Variants in BMP5 observed in about 807,000 individuals in gnomAD.
The protein encoded by BMP5 is bone morphogenetic protein 5.
In BMP5, 23 loss-of-function variants were observed where a neutral mutation model predicts 46.6. The ratio of observed to expected loss-of-function variants is 0.49; its 90% CI spans 0.35 to 0.70. The LOEUF is 0.70. BMP5 is among the 30% of genes least tolerant of loss of function. The probability of loss-of-function intolerance (pLI) is 0.00; values close to 1 mark genes in which losing one functional copy is unlikely to be tolerated. For synonymous variants in BMP5, 204 were observed against 191.9 expected, an observed-to-expected ratio of 1.06 and a Z score of -0.52; for missense variants, 545 against 565.6, an observed-to-expected ratio of 0.96 and a Z score of 0.37.
At chr6:55,805,952 T>C (rs1775978514) in intron 2 of BMP5, among the ~76,000 whole-genome samples, 1 of 152,226 alleles carries the variant, frequency 6.6e-6, no homozygotes, top group Admixed American at 6.5e-5. Context: ...AAGTTCCTTG[T>C]AGATTCTGGG....
At chr6:55,768,682 G>A (rs940721814) in intron 4 of BMP5, among the ~76,000 whole-genome samples, 3 of 151,994 alleles carry the variant, frequency 2.0e-5, no homozygotes, top group African/African-American at 2.4e-5. Context: ...ATTATTTTTC[G>A]AAGATTCTCA....
intron 1 of BMP5, among the ~76,000 whole-genome samples, chr6:55,846,045 A>G (rs897503560): frequency 1.3e-5 from 2 of 151,986 alleles, no homozygotes; most frequent in Non-Finnish European, 2.9e-5. Context: ...TTTTCTAATG[A>G]GTCCCTCATA....
rs542580188 is a variant in BMP5 at position 55,789,031 on chromosome 6, T to G, written c.832+5248A>C. On this transcript the variant is annotated intron_variant, in intron 3 of 6. Coordinates refer to ENST00000370830, the MANE Select transcript of BMP5 (RefSeq NM_021073.4). The stretch of plus-strand genomic sequence containing the variant: ...CTTTAAACCTGAAGTTTTACCTTGA[T>G]GTGGTTGAAAATTATGCTGACTTTG... Among the ~76,000 whole-genome samples, 238 of 151,946 alleles carry G rather than the reference T, an allele frequency of 1.6e-3. 1 individual carries two copies. Among genetic ancestry groups the G allele is most frequent in the African/African-American group, 5.3e-3 (220 of 41,544 alleles).
chr6:55,806,574 A>T (rs569540743), intron 2 of BMP5, among the ~76,000 whole-genome samples: 1 of 152,260 alleles, frequency 6.6e-6, no homozygotes, highest in Non-Finnish European at 1.5e-5. Context: ...TTCCATATGA[A>T]ATTTAAAGTA....
At chr6:55,774,621 AT>A (rs1361792010) in intron 3 of BMP5, among the ~76,000 whole-genome samples, 4 of 151,924 alleles carry the variant, frequency 2.6e-5, no homozygotes, top group African/African-American at 9.7e-5. Context: ...ATGCCCTGTA[AT>A]TTTCCTTTAA....
At chr6:55,831,126 G>A (rs767146201) in intron 1 of BMP5, among the ~76,000 whole-genome samples, 44 of 152,004 alleles carry the variant, frequency 2.9e-4, no homozygotes, top group Non-Finnish European at 1.6e-4. Flanking sequence ...CCAGGATGTC[G>A]ACAGCTAGGG....
intron 4 of BMP5, among the ~76,000 whole-genome samples, chr6:55,764,941 T>G (rs2127517542): frequency 6.6e-6 from 1 of 152,248 alleles, no homozygotes; most frequent in East Asian, 1.9e-4. Context: ...TCAAAATAAC[T>G]AGAAGACAAG....
chr6:55,789,740 T>G (rs1775531802), intron 3 of BMP5, among the ~76,000 whole-genome samples: 1 of 152,134 alleles, frequency 6.6e-6, no homozygotes, highest in Admixed American at 6.6e-5. Context: ...TTTGTAAAAT[T>G]GGATATAACA....
chr6:55,828,593 G>T (rs1048828110), intron 1 of BMP5, among the ~76,000 whole-genome samples: 1 of 151,380 alleles, frequency 6.6e-6, no homozygotes, highest in South Asian at 2.1e-4. Flanking sequence ...AAGAAAGTTT[G>T]TTTTTAAAAA....
intron 4 of BMP5, among the ~76,000 whole-genome samples, chr6:55,770,510 G>C (rs905051095): frequency 6.6e-6 from 1 of 151,816 alleles, no homozygotes; most frequent in Non-Finnish European, 1.5e-5. Context: ...CCACTCAAAC[G>C]TTCTCCACAT....
chr6:55,855,070 C>A (rs796929477), intron 1 of BMP5, among the ~76,000 whole-genome samples: 1 of 151,892 alleles, frequency 6.6e-6, no homozygotes, highest in Non-Finnish European at 1.5e-5. Context: ...CAGAAAAAAG[C>A]TTTTGATCAT....
chr6:55,837,277 T>C (rs1042190127), intron 1 of BMP5, among the ~76,000 whole-genome samples: 7 of 152,054 alleles, frequency 4.6e-5, no homozygotes, highest in African/African-American at 1.7e-4. Context: ...CTTAACTTTA[T>C]GCTTTCAATA....
chr6:55,778,125 G>A (rs530908342), intron 3 of BMP5, among the ~76,000 whole-genome samples: 1 of 152,188 alleles, frequency 6.6e-6, no homozygotes, highest in East Asian at 1.9e-4. Context: ...AGCAAAGCAA[G>A]AGACAATGCC....
intron 6 of BMP5, 94 bp downstream of exon 6, chr6:55,758,911 G>C (rs1774681991): frequency 1.2e-6 from 1 of 858,106 alleles, no homozygotes; most frequent in African/African-American, 1.7e-5. Context: ...ATAAAATAAT[G>C]CATTAAAATT....
At chr6:55,861,129 T>C (rs1382191874) in intron 1 of BMP5, among the ~76,000 whole-genome samples, 1 of 152,198 alleles carries the variant, frequency 6.6e-6, no homozygotes, top group African/African-American at 2.4e-5. Context: ...GCAGAAGTTA[T>C]CTGTCAGTTT....
intron 1 of BMP5, among the ~76,000 whole-genome samples, chr6:55,844,521 T>C (rs1376058647): frequency 6.6e-6 from 1 of 151,966 alleles, no homozygotes; most frequent in Non-Finnish European, 1.5e-5. Flanking sequence ...TTATAATGGA[T>C]TTTTTTCTCG....
intron 1 of BMP5, among the ~76,000 whole-genome samples, chr6:55,841,276 GTTA>G (rs1776945640): frequency 6.6e-6 from 1 of 152,044 alleles, no homozygotes; most frequent in African/African-American, 2.4e-5. Context: ...CAAATTTTCA[GTTA>G]TTTTTTTCTA....
intron 2 of BMP5, among the ~76,000 whole-genome samples, chr6:55,805,834 T>G (rs1238907165): frequency 6.6e-6 from 1 of 152,240 alleles, no homozygotes; most frequent in Admixed American, 6.5e-5. Context: ...GTTGAGCTTT[T>G]TTTCATATGT....
chr6:55,845,926 C>A lies in BMP5; in HGVS notation c.491-26079G>T, dbSNP rs111668378. Among the ~76,000 whole-genome samples the A allele has an allele frequency of 4.9e-3, 746 of 152,096 alleles. 13 individuals carry two copies. The highest frequency in any genetic ancestry group is 0.016 in the African/African-American group (670 of 41,546). ...CTCCATCCTGATCCTACTCCTACTC[C>A]CGCTCCTCTTTCTAAGGCACAGAAA... On this transcript the variant is annotated intron_variant, in intron 1 of 6. Transcript: ENST00000370830.
Sources: gnomAD v4.1 joint callset for allele counts (sites outside exome capture counted in the v4.1 genomes callset) on GRCh38, gnomAD v4.1.1 for gene constraint, MANE v1.5 for transcripts, NCBI Gene and HGNC (gene_info 2026-07-23, HGNC 2026-07-21) for gene names.